The following C4BPA variants were observed in gnomAD, a reference collection of about 807,000 sequenced individuals.
The protein encoded by C4BPA is C4b-binding protein alpha chain.
C4BPA carries 31 observed loss-of-function variants against 63.7 expected under a neutral mutation model. That is an observed-to-expected ratio of 0.49 (90% CI 0.37 to 0.66). The LOEUF (loss-of-function observed/expected upper bound fraction) is 0.66. C4BPA is among the 30% of genes least tolerant of loss of function. The pLI is 0.00. For synonymous variants in C4BPA, 259 were observed against 254.7 expected, an observed-to-expected ratio of 1.02 and a Z score of -0.16; for missense variants, 572 against 723.3, an observed-to-expected ratio of 0.79 and a Z score of 2.40.
intron 9 of C4BPA, among the ~76,000 whole-genome samples, chr1:207,137,163 T>C (rs1017273039): frequency 6.6e-5 from 10 of 152,228 alleles, no homozygotes; most frequent in Admixed American, 6.5e-4. Flanking sequence ...ATCTACCTAG[T>C]GTCAATTTGA....
chr1:207,142,974 C>A (rs1317137200), intron 10 of C4BPA, among the ~76,000 whole-genome samples: 1 of 152,104 alleles, frequency 6.6e-6, no homozygotes, highest in Non-Finnish European at 1.5e-5. Flanking sequence ...ACCCAGCAAT[C>A]CCATTACTGG....
intron 8 of C4BPA, 28 bp downstream of exon 8, chr1:207,131,768 T>A: frequency 6.9e-7 from 1 of 1,453,568 alleles, no homozygotes. Context: ...AATATTTTTG[T>A]ATATTAAATG....
intron 1 of C4BPA, among the ~76,000 whole-genome samples, chr1:207,108,321 C>T (rs939255337): frequency 1.3e-5 from 2 of 150,684 alleles, no homozygotes; most frequent in South Asian, 4.1e-4. Context: ...AAAAAATTCA[C>T]TAAGATAACC....
chr1:207,142,465 T>G (rs2102368669), intron 10 of C4BPA, among the ~76,000 whole-genome samples: 1 of 152,240 alleles, frequency 6.6e-6, no homozygotes, highest in East Asian at 1.9e-4. Context: ...AAATGGTAAT[T>G]CTAGTTCTAG....
At chr1:207,135,930 C>T (rs1245210655) in intron 9 of C4BPA, among the ~76,000 whole-genome samples, 1 of 152,150 alleles carries the variant, frequency 6.6e-6, no homozygotes, top group Non-Finnish European at 1.5e-5. Flanking sequence ...GATCCTATGC[C>T]AATGCCAATT....
At chr1:207,136,147 T>C (rs901373519) in intron 9 of C4BPA, among the ~76,000 whole-genome samples, 1 of 152,222 alleles carries the variant, frequency 6.6e-6, no homozygotes, top group Admixed American at 6.5e-5. Flanking sequence ...GGACTTAGCA[T>C]TGTTGTTGGC....
chr1:207,130,057 T>C (rs1012888430), intron 7 of C4BPA, among the ~76,000 whole-genome samples: 7 of 152,196 alleles, frequency 4.6e-5, no homozygotes, highest in Admixed American at 4.6e-4. Flanking sequence ...GCAATTGCTG[T>C]TTAAATCAGC....
intron 4 of C4BPA, among the ~76,000 whole-genome samples, chr1:207,118,181 CT>C (rs1558089424): frequency 4.8e-4 from 68 of 142,864 alleles, no homozygotes; most frequent in African/African-American, 1.2e-3. Context: ...CTATCTATAT[CT>C]ATCTATCTAT....
intron 4 of C4BPA, among the ~76,000 whole-genome samples, chr1:207,120,341 A>T (rs555761965): frequency 6.6e-6 from 1 of 152,356 alleles, no homozygotes; most frequent in East Asian, 1.9e-4. Context: ...AACTAAAAAA[A>T]GTGTTCATTG....
chr1:207,118,697 T>C (rs1489665327), intron 4 of C4BPA, among the ~76,000 whole-genome samples: 2 of 152,240 alleles, frequency 1.3e-5, no homozygotes, highest in South Asian at 2.1e-4. Context: ...TCATATTATT[T>C]GTAAAAATTT....
intron 8 of C4BPA, 72 bp downstream of exon 8, chr1:207,131,812 A>C: frequency 9.8e-7 from 1 of 1,021,862 alleles, no homozygotes; most frequent in African/African-American, 1.6e-5. Flanking sequence ...ACCTTAAATG[A>C]ATATAATTTT....
intron 1 of C4BPA, among the ~76,000 whole-genome samples, chr1:207,106,820 G>A (rs1337246626): frequency 6.6e-6 from 1 of 152,146 alleles, no homozygotes; most frequent in Middle Eastern, 3.2e-3. Flanking sequence ...AAATCTCTGC[G>A]AAATAAGGAG....
intron 9 of C4BPA, 139 bp downstream of exon 9, chr1:207,134,731 C>G (rs1685242923): frequency 1.8e-6 from 1 of 561,684 alleles, no homozygotes. Flanking sequence ...CTTTCTCCTT[C>G]TTCCTCATTG....
chr1:207,134,489 C>T lies in C4BPA; in HGVS notation c.1170C>T (p.Phe390=), dbSNP rs1246589036. ...GTCCTGCCAATCACTGTGTTTATTT[C>T]TATGGAGATGAGATTTCATTTTCAT... ...KSRPANHCVY[F]YGDEISFSCH... Residue 390 remains phenylalanine (F), a synonymous_variant, in exon 9 of 12, where the codon TTC becomes TTT. Coordinates refer to ENST00000367070, the MANE Select transcript of C4BPA (RefSeq NM_000715.4). The T allele has an allele frequency of 6.2e-7, 1 of 1,613,648 alleles. No homozygotes were observed. Among genetic ancestry groups the T allele is most frequent in the Non-Finnish European group, 8.5e-7 (1 of 1,179,578 alleles).
intron 1 of C4BPA, among the ~76,000 whole-genome samples, chr1:207,108,690 C>T (rs1416663097): frequency 6.6e-6 from 1 of 152,112 alleles, no homozygotes; most frequent in East Asian, 1.9e-4. Flanking sequence ...GAACCAGAGA[C>T]AATTAGGCCC....
At chr1:207,129,269 A>G (rs1284753293) in intron 7 of C4BPA, among the ~76,000 whole-genome samples, 1 of 152,002 alleles carries the variant, frequency 6.6e-6, no homozygotes, top group Non-Finnish European at 1.5e-5. Context: ...AGAATGAGGA[A>G]AAATAAATGG....
At chr1:207,105,256 A>ATT (rs1684534666) in intron 1 of C4BPA, among the ~76,000 whole-genome samples, 1 of 152,098 alleles carries the variant, frequency 6.6e-6, no homozygotes, top group Admixed American at 6.6e-5. Context: ...AAAGGGGCTG[A>ATT]TAGAAAAATA....
chr1:207,130,892 A>C (rs1685144711), intron 7 of C4BPA, among the ~76,000 whole-genome samples: 1 of 151,444 alleles, frequency 6.6e-6, no homozygotes, highest in African/African-American at 2.4e-5. Flanking sequence ...TGGTTGCACA[A>C]CTCTGTATAT....
chr1:207,116,888 G>C (rs896050230), intron 4 of C4BPA, among the ~76,000 whole-genome samples: 1 of 152,042 alleles, frequency 6.6e-6, no homozygotes, highest in Non-Finnish European at 1.5e-5. Flanking sequence ...ACTGATTTAA[G>C]ATGCTCTTTG....
Sources: allele counts gnomAD v4.1 joint callset (sites outside exome capture counted in the v4.1 genomes callset), GRCh38; gene constraint gnomAD v4.1.1; transcripts MANE v1.5; gene names NCBI Gene and HGNC (gene_info 2026-07-23, HGNC 2026-07-21).